Variants in ADGRG6 observed in about 807,000 individuals in gnomAD.
The protein encoded by ADGRG6 is adhesion G protein-coupled receptor G6, also known as G-protein coupled receptor 126.
A neutral mutation model predicts 142.4 loss-of-function variants in ADGRG6; 84 were observed. The observed-to-expected ratio is 0.59, with a 90% confidence interval of 0.49 to 0.71. The LOEUF (loss-of-function observed/expected upper bound fraction) is 0.71. Among genes scored for constraint, ADGRG6 ranks in the 30% least tolerant of loss-of-function variants. ADGRG6 has a pLI of 0.00. For missense variants in ADGRG6, 1,367 were observed against 1,466.6 expected (o/e 0.93, Z 1.11); for synonymous variants, 521 against 520.5 (o/e 1.00, Z -0.01).
chr6:142,408,243 A>G lies in ADGRG6; in HGVS notation c.2362A>G (p.Ile788Val), dbSNP rs1364823143. 5 of 1,574,518 alleles carry G rather than the reference A, an allele frequency of 3.2e-6. No individual in the cohort carries two copies. Among genetic ancestry groups the G allele is most frequent in the Non-Finnish European group, 4.3e-6 (5 of 1,157,366 alleles). ...CCAGAATCTGAAGGATCCTGTTCAA[A>G]TAAAAATCAAACATACAAGAACTCA... The part of the protein sequence containing the change: ...TIQNLKDPVQ[I>V]KIKHTRTQEV... The change falls in exon 16 of 25, where the codon ATA becomes GTA. Residue 788 changes from isoleucine (I) to valine (V), a missense_variant. By Grantham distance (29) the Ile-to-Val change is conservative. Transcript: ENST00000367609.
intron 6 of ADGRG6, among the ~76,000 whole-genome samples, chr6:142,386,550 A>C (rs2114951860): frequency 6.6e-6 from 1 of 152,280 alleles, no homozygotes; most frequent in East Asian, 1.9e-4. Flanking sequence ...AAATTTTTGC[A>C]CAATGAAAAT....
At position 142,317,996 on chromosome 6, in the gene ADGRG6, T is replaced by C. The variant is rs1214703546; in HGVS notation, c.103+8352T>C. On this transcript the variant is annotated intron_variant, in intron 2 of 24. Coordinates refer to ENST00000367609, the MANE Select transcript of ADGRG6 (RefSeq NM_198569.3). ...TATATATTTATATTACATATTTATATATTATATATAATATTTATGTTATAT... is the reference window on the plus strand; with the variant it reads ...TATATATTTATATTACATATTTATACATTATATATAATATTTATGTTATAT... 3.9e-4 allele frequency among the ~76,000 whole-genome samples: 21 copies of C among 53,674 alleles called. 1 individual carries two copies. Among genetic ancestry groups the C allele is most frequent in the African/African-American group, 1.8e-3 (21 of 11,966 alleles). The allele number at this position is 53,674 out of a possible 152,430, so 35.2% of individuals were successfully genotyped here.
At chr6:142,388,896 C>T (rs936128542) in intron 6 of ADGRG6, among the ~76,000 whole-genome samples, 1 of 152,000 alleles carries the variant, frequency 6.6e-6, no homozygotes, top group African/African-American at 2.4e-5. Context: ...CCCAATCATT[C>T]AGAACATCTG....
chr6:142,355,010 T>A (rs1484653484), intron 2 of ADGRG6, among the ~76,000 whole-genome samples: 1 of 152,208 alleles, frequency 6.6e-6, no homozygotes, highest in East Asian at 1.9e-4. Context: ...ACTTATAGAG[T>A]GATCTATTAT....
At chr6:142,381,383 A>C (rs758731004) in intron 4 of ADGRG6, among the ~76,000 whole-genome samples, 8 of 152,154 alleles carry the variant, frequency 5.3e-5, no homozygotes, top group Non-Finnish European at 1.2e-4. Flanking sequence ...TCAGAGGGAG[A>C]TTTAGTGCAA....
intron 2 of ADGRG6, among the ~76,000 whole-genome samples, chr6:142,327,158 G>T (rs1485994480): frequency 6.6e-6 from 1 of 151,800 alleles, no homozygotes; most frequent in Non-Finnish European, 1.5e-5. Context: ...GGGGTAATAT[G>T]ACTTTTCTAA....
At chr6:142,377,601 G>A (rs1004677767) in intron 4 of ADGRG6, among the ~76,000 whole-genome samples, 3 of 152,152 alleles carry the variant, frequency 2.0e-5, no homozygotes, top group Non-Finnish European at 4.4e-5. Context: ...TGGTAGCCTC[G>A]AAAATCAGTG....
intron 18 of ADGRG6, among the ~76,000 whole-genome samples, chr6:142,411,757 T>G (rs1261089928): frequency 2.6e-5 from 4 of 151,894 alleles, no homozygotes; most frequent in Non-Finnish European, 5.9e-5. Flanking sequence ...GGAGAGAAAG[T>G]TAAAGAAGAA....
chr6:142,366,711 T>A (rs984090037), intron 2 of ADGRG6, among the ~76,000 whole-genome samples: 12 of 149,404 alleles, frequency 8.0e-5, no homozygotes, highest in Middle Eastern at 3.5e-3. Flanking sequence ...GCCAGAATTA[T>A]GCCACTTCCC....
intron 22 of ADGRG6, among the ~76,000 whole-genome samples, chr6:142,420,541 G>T (rs1776613831): frequency 6.6e-6 from 1 of 152,126 alleles, no homozygotes; most frequent in Non-Finnish European, 1.5e-5. Context: ...AATTTTTAGA[G>T]TCTATGTAAG....
At chr6:142,430,042 C>A (rs1777134828) in intron 22 of ADGRG6, among the ~76,000 whole-genome samples, 1 of 151,998 alleles carries the variant, frequency 6.6e-6, no homozygotes, top group Non-Finnish European at 1.5e-5. Flanking sequence ...GAGAGTGAGA[C>A]CTTGTCTCAG....
chr6:142,363,294 G>C (rs1434941419), intron 2 of ADGRG6, among the ~76,000 whole-genome samples: 2 of 151,762 alleles, frequency 1.3e-5, no homozygotes, highest in East Asian at 3.9e-4. Context: ...TTATAAAGAA[G>C]TACTTGTGGC....
At position 142,401,975 on chromosome 6, in the gene ADGRG6, T is replaced by C. The variant is rs377746815; in HGVS notation, c.1680-19T>C. 32 of 1,220,122 alleles carry C rather than the reference T, an allele frequency of 2.6e-5. No homozygotes were observed. The highest frequency in any genetic ancestry group is 3.1e-5 in the Non-Finnish European group (26 of 847,444). 75.6% of individuals were successfully genotyped at this position (1,220,122 alleles called of 1,614,324 possible). ...TACCAGTTATATCAAATATTTAAAA[T>C]ATCTATTTTGTTTCATAGTTTTTAC... On this transcript the variant is annotated intron_variant, in intron 11 of 24. Coordinates refer to ENST00000367609, the MANE Select transcript of ADGRG6 (RefSeq NM_198569.3).
intron 2 of ADGRG6, among the ~76,000 whole-genome samples, chr6:142,367,052 T>C (rs1357623276): frequency 1.3e-5 from 2 of 152,230 alleles, no homozygotes; most frequent in African/African-American, 4.8e-5. Context: ...TTTTTTGTAT[T>C]GATAGCTTTC....
chr6:142,424,895 A>C (rs549141372), intron 22 of ADGRG6, among the ~76,000 whole-genome samples: 5 of 152,166 alleles, frequency 3.3e-5, no homozygotes, highest in Non-Finnish European at 7.4e-5. Flanking sequence ...CATGATATCT[A>C]AGCTGAAATC....
rs758112207 is a variant in ADGRG6 at position 142,419,960 on chromosome 6, C to T, written c.3175C>T (p.Leu1059=). 7 of 1,613,380 alleles carry T rather than the reference C, an allele frequency of 4.3e-6. No individual in the cohort carries two copies. In the African/African-American group the frequency reaches 9.4e-5, roughly 22 times the overall value. Residue 1059 remains leucine (L), a synonymous_variant, in exon 22 of 25, where the codon CTG becomes TTG. Transcript: ENST00000367609. ...GAATGGCAAGAGAAGCAACCGGACC[C>T]TGAGAGAAGAAGTGTTAAGGAACCT... ...GRNGKRSNRT[L]REEVLRNLRS...
At chr6:142,356,759 T>A (rs1314341113) in intron 2 of ADGRG6, among the ~76,000 whole-genome samples, 1 of 152,164 alleles carries the variant, frequency 6.6e-6, no homozygotes, top group African/African-American at 2.4e-5. Context: ...GTCACATGGT[T>A]TGCTAATGGA....
chr6:142,409,406 C>T (rs1024598592), intron 16 of ADGRG6, among the ~76,000 whole-genome samples: 1 of 152,020 alleles, frequency 6.6e-6, no homozygotes, highest in Admixed American at 6.6e-5. Flanking sequence ...TTTGTCTATT[C>T]CTCATTGATA....
intron 3 of ADGRG6, 73 bp downstream of exon 3, chr6:142,367,983 A>G (rs1428935475): frequency 2.5e-6 from 2 of 797,128 alleles, no homozygotes; most frequent in Non-Finnish European, 4.1e-6. Context: ...AAGGACCAGA[A>G]GACAGAGTTA....
Sources: gnomAD v4.1 joint callset for allele counts (sites outside exome capture counted in the v4.1 genomes callset) on GRCh38, gnomAD v4.1.1 for gene constraint, MANE v1.5 for transcripts, NCBI Gene and HGNC (gene_info 2026-07-23, HGNC 2026-07-21) for gene names.